The following TBCEL variants were observed in gnomAD, a reference collection of about 807,000 sequenced individuals.
The protein encoded by TBCEL is tubulin-specific chaperone cofactor E-like protein.
Under a neutral mutation model 44.2 loss-of-function variants are expected in TBCEL, and 15 were observed. The observed-to-expected ratio is 0.34, with a 90% confidence interval of 0.23 to 0.52. TBCEL has a LOEUF of 0.52. Among genes scored for constraint, TBCEL ranks in the 20% least tolerant of loss-of-function variants. The probability of loss-of-function intolerance (pLI) is 0.95; values close to 1 mark genes in which losing one functional copy is unlikely to be tolerated. For missense variants in TBCEL, 319 were observed against 506.3 expected (o/e 0.63, Z 3.55); for synonymous variants, 171 against 185.4 (o/e 0.92, Z 0.63).
chr11:121,027,987 G>C (rs765780914), intron 1 of TBCEL, among the ~76,000 whole-genome samples: 1 of 151,950 alleles, frequency 6.6e-6, no homozygotes, highest in Admixed American at 6.6e-5. Context: ...TAGGAGGATC[G>C]CTTGAATCCA....
At chr11:121,080,700 T>C (rs887427124) in intron 8 of TBCEL, among the ~76,000 whole-genome samples, 8 of 152,216 alleles carry the variant, frequency 5.3e-5, no homozygotes, top group African/African-American at 1.9e-4. Flanking sequence ...CTAAGACATA[T>C]GGCAGGAACC....
chr11:121,080,928 G>A (rs1946113569), intron 8 of TBCEL, among the ~76,000 whole-genome samples: 7 of 152,196 alleles, frequency 4.6e-5, no homozygotes, highest in Admixed American at 4.6e-4. Flanking sequence ...CTGAGTGTAT[G>A]AAGGCTTGCT....
At position 121,087,087 on chromosome 11, in the gene TBCEL, A is replaced by G; in HGVS notation, c.1266A>G (p.Lys422=). 1 of 1,613,028 alleles carries G rather than the reference A, an allele frequency of 6.2e-7. No homozygotes were observed. Among genetic ancestry groups the G allele is most frequent in the Non-Finnish European group, 8.5e-7 (1 of 1,179,568 alleles). ...GAGATAAAATTTACGTGGAATCCAA[A>G]ACAAAATAACCTCTACCAGCCTTGT... ...RDGDKIYVES[K]TK Residue 422 remains lysine (K), a synonymous_variant, in exon 9 of 9, where the codon AAA becomes AAG. Transcript: ENST00000683345.
At chr11:121,042,462 C>T (rs1945351338) in intron 2 of TBCEL, among the ~76,000 whole-genome samples, 2 of 152,082 alleles carry the variant, frequency 1.3e-5, no homozygotes, top group African/African-American at 4.8e-5. Context: ...TCAATTTTGA[C>T]ACACTCAGTG....
chr11:121,029,717 GAA>G (rs200463101), intron 1 of TBCEL, among the ~76,000 whole-genome samples: 2,154 of 152,310 alleles, frequency 0.014, 17 homozygotes, highest in Middle Eastern at 0.051. Context: ...GTACTATTGT[GAA>G]AAGTTATTTA....
intron 1 of TBCEL, among the ~76,000 whole-genome samples, chr11:121,027,911 A>G (rs1289337670): frequency 6.6e-6 from 1 of 152,154 alleles, no homozygotes; most frequent in African/African-American, 2.4e-5. Context: ...ACGTATGGTT[A>G]AAAATGCAGA....
At chr11:121,078,475 A>G (rs1196981290) in intron 8 of TBCEL, among the ~76,000 whole-genome samples, 1 of 152,220 alleles carries the variant, frequency 6.6e-6, no homozygotes, top group East Asian at 1.9e-4. Flanking sequence ...GAGCTAGTGC[A>G]TATTCCTAGT....
intron 8 of TBCEL, among the ~76,000 whole-genome samples, chr11:121,068,349 T>C (rs1945859889): frequency 6.6e-6 from 1 of 151,986 alleles, no homozygotes; most frequent in Non-Finnish European, 1.5e-5. Flanking sequence ...GGAGTCATTC[T>C]TGATTTTTTT....
intron 1 of TBCEL, among the ~76,000 whole-genome samples, chr11:121,024,785 G>A (rs1360806101): frequency 6.6e-6 from 1 of 152,204 alleles, no homozygotes; most frequent in Non-Finnish European, 1.5e-5. Flanking sequence ...GGACGGGCAT[G>A]TCTAGGCCCT....
chr11:121,065,036 C>T lies in TBCEL; in HGVS notation c.956+4951C>T, dbSNP rs1216191259. 2.6e-5 allele frequency among the ~76,000 whole-genome samples: 4 copies of T among 152,128 alleles called. No homozygotes were observed. In the East Asian group the frequency reaches 7.8e-4, roughly 29 times the overall value. ...GGAGACGGGGTTTCACCATGTTAGC[C>T]AGGATGGTCTTGATCTCCTGACCTC... is the stretch of plus-strand genomic sequence containing the variant. On this transcript the variant is annotated intron_variant, in intron 8 of 8. Transcript: ENST00000683345.
intron 2 of TBCEL, among the ~76,000 whole-genome samples, chr11:121,045,310 A>G (rs1945409756): frequency 6.6e-6 from 1 of 152,106 alleles, no homozygotes; most frequent in South Asian, 2.1e-4. Context: ...GTTTAGCCTG[A>G]TGTTCAATCT....
rs756453929 is a variant in TBCEL at position 121,047,625 on chromosome 11, G to A, written c.231G>A (p.Ser77=). The A allele has an allele frequency of 4.3e-5, 70 of 1,612,412 alleles. No homozygotes were observed. The highest frequency in any genetic ancestry group is 2.7e-4 in the East Asian group (12 of 44,842). The change falls in exon 4 of 9, where the codon TCG becomes TCA. Residue 77 remains serine, a synonymous_variant. Transcript: ENST00000683345. ...KEIAAFCAHV[S]ELDLSDNKLE... ...TTGCTGCTTTCTGCGCTCATGTGTC[G>A]GAACTAGATCTTTCTGACAACAAAC... is the stretch of plus-strand genomic sequence containing the variant.
At position 121,047,680 on chromosome 11, in the gene TBCEL, T is replaced by A. The variant is rs1945453922; in HGVS notation, c.273+13T>A. On this transcript the variant is annotated intron_variant, in intron 4 of 8. Transcript: ENST00000683345. ...AGACTGGCATGAGGTGAAGTTTTTA[T>A]ATTGCTACATTTTAGTGAAAAGCAG... The A allele has an allele frequency of 6.2e-7, 1 of 1,611,482 alleles. No homozygotes were observed. The highest frequency in any genetic ancestry group is 8.5e-7 in the Non-Finnish European group (1 of 1,178,572).
Position 121,058,374 on chromosome 11 carries a change from C to T in TBCEL, c.742C>T (p.Leu248=). Residue 248 remains leucine, a synonymous_variant, in exon 7 of 9, where the codon CTA becomes TTA. Transcript: ENST00000683345. ...GCAGTCCTGGGAAGACATTGATAAA[C>T]TAAATTCATTTCCCAAACTGGAAGA... ...GLQSWEDIDK[L]NSFPKLEEVR... is the part of the protein sequence containing the mutation. The T allele has an allele frequency of 6.2e-7, 1 of 1,611,634 alleles. No individual in the cohort carries two copies. Among genetic ancestry groups the T allele is most frequent in the Non-Finnish European group, 8.5e-7 (1 of 1,178,238 alleles).
At chr11:121,031,932 A>T (rs530310204) in intron 1 of TBCEL, among the ~76,000 whole-genome samples, 1 of 152,130 alleles carries the variant, frequency 6.6e-6, no homozygotes, top group Admixed American at 6.5e-5. Flanking sequence ...TCCTGGAATT[A>T]CAGATGTAAG....
chr11:121,076,943 A>G (rs569513240), intron 8 of TBCEL, among the ~76,000 whole-genome samples: 10 of 152,182 alleles, frequency 6.6e-5, no homozygotes, highest in African/African-American at 2.2e-4. Flanking sequence ...ATGTATCAAT[A>G]TAGTGAATTA....
intron 1 of TBCEL, among the ~76,000 whole-genome samples, chr11:121,032,422 C>A (rs1945162390): frequency 1.3e-5 from 2 of 152,078 alleles, no homozygotes; most frequent in South Asian, 4.1e-4. Context: ...GGATTAGGTT[C>A]CTGCGAGCCT....
intron 2 of TBCEL, among the ~76,000 whole-genome samples, chr11:121,043,334 C>T (rs2134913434): frequency 6.6e-6 from 1 of 152,198 alleles, no homozygotes; most frequent in South Asian, 2.1e-4. Flanking sequence ...AGTTCCACTA[C>T]CCTTTATAAT....
At chr11:121,025,716 A>AT (rs35047977) in intron 1 of TBCEL, among the ~76,000 whole-genome samples, 4,794 of 144,368 alleles carry the variant, frequency 0.033, 161 homozygotes, top group African/African-American at 0.083. Context: ...AAGGAGATGG[A>AT]TTTTTTTTTT....
Sources: gnomAD v4.1 joint callset for allele counts (sites outside exome capture counted in the v4.1 genomes callset) on GRCh38, gnomAD v4.1.1 for gene constraint, MANE v1.5 for transcripts, NCBI Gene and HGNC (gene_info 2026-07-23, HGNC 2026-07-21) for gene names.